ABCA13: variants seen among roughly 807,000 people sequenced by gnomAD.
ABCA13 encodes the protein ATP binding cassette subfamily A member 13.
A neutral mutation model predicts 478.7 loss-of-function variants in ABCA13; 476 were observed. The observed-to-expected ratio is 0.99, with a 90% confidence interval of 0.92 to 1.07. The LOEUF (loss-of-function observed/expected upper bound fraction) is 1.07. Among genes scored for constraint, ABCA13 ranks in the 50% least tolerant of loss-of-function variants. The pLI is 0.00. For missense variants in ABCA13, 6,060 were observed against 5,910.6 expected (o/e 1.03, Z -0.83); for synonymous variants, 2,252 against 2,158.9 (o/e 1.04, Z -1.20).
chr7:48,634,261 G>T (rs1794444245), intron 59 of ABCA13, among the ~76,000 whole-genome samples: 1 of 152,128 alleles, frequency 6.6e-6, no homozygotes, highest in Non-Finnish European at 1.5e-5. Context: ...TTTCTTTTGA[G>T]ATTGCGTGTG....
intron 58 of ABCA13, among the ~76,000 whole-genome samples, chr7:48,604,197 A>AT (rs1486113260): frequency 6.6e-6 from 1 of 151,872 alleles, no homozygotes; most frequent in East Asian, 1.9e-4. Flanking sequence ...GGATTCATTG[A>AT]TTTTTTGAAG....
intron 55 of ABCA13, among the ~76,000 whole-genome samples, chr7:48,556,093 C>T (rs1003448854): frequency 6.6e-6 from 1 of 151,764 alleles, no homozygotes; most frequent in East Asian, 1.9e-4. Context: ...TGTTTAATTT[C>T]CATGTGTCTC....
At chr7:48,602,420 C>T (rs754058920) in intron 58 of ABCA13, among the ~76,000 whole-genome samples, 12 of 152,118 alleles carry the variant, frequency 7.9e-5, no homozygotes, top group Non-Finnish European at 1.2e-4. Flanking sequence ...AGGAAGTGAT[C>T]CAGTTTCAGC....
chr7:48,192,389 A>T lies in ABCA13; in HGVS notation c.70-570A>T, dbSNP rs144875787. On this transcript the variant is annotated intron_variant, in intron 1 of 61. Coordinates refer to ENST00000435803, the MANE Select transcript of ABCA13 (RefSeq NM_152701.5). ...AGTTTATTCTAATTTTAAGAAAATA[A>T]TTCAAATGAAAGATTATTTATACAC... Among the ~76,000 whole-genome samples, 1,333 of 152,304 alleles carry T rather than the reference A, an allele frequency of 8.8e-3. 8 individuals carry two copies. Among genetic ancestry groups the T allele is most frequent in the Non-Finnish European group, 0.012 (832 of 68,014 alleles).
chr7:48,449,421 T>C (rs559761628), intron 42 of ABCA13, among the ~76,000 whole-genome samples: 1 of 152,166 alleles, frequency 6.6e-6, no homozygotes, highest in Non-Finnish European at 1.5e-5. Flanking sequence ...CAGTAATGGT[T>C]TGGATAAATA....
intron 57 of ABCA13, among the ~76,000 whole-genome samples, chr7:48,590,556 C>A (rs1027227438): frequency 6.6e-6 from 1 of 152,132 alleles, no homozygotes; most frequent in African/African-American, 2.4e-5. Context: ...TGTAGAGGAA[C>A]CTCCACACTG....
rs968028399 is a variant in ABCA13 at position 48,451,323 on chromosome 7, T to C, written c.12566-3714T>C. On this transcript the variant is annotated intron_variant, in intron 42 of 61. Transcript: ENST00000435803. The stretch of plus-strand genomic sequence containing the variant: ...AAGATGTTATAAATCACCTGGTTTA[T>C]GTATGTGATGAAATTTTATTTTATT... Among the ~76,000 whole-genome samples the C allele has an allele frequency of 2.2e-4, 34 of 152,264 alleles. 1 individual carries two copies. The highest frequency in any genetic ancestry group is 7.2e-4 in the African/African-American group (30 of 41,560).
Position 48,372,215 on chromosome 7 carries a change from G to T in ABCA13, c.10851G>T (p.Trp3617Cys). ...GVHPVIHFLAWFLENMAVLTI... is the reference protein window; with the variant it reads ...GVHPVIHFLACFLENMAVLTI... ...ATCCAGTGATCCATTTCCTGGCCTG[G>T]TTCCTGGAGAACATGGCTGTGTTGA... Residue 3617 changes from tryptophan to cysteine, a missense_variant, in exon 33 of 62, where the codon TGG becomes TGT. By Grantham distance (215) the Trp-to-Cys change is radical. Transcript: ENST00000435803. 6.2e-7 allele frequency: 1 copy of T among 1,613,784 alleles called. No homozygotes were observed. Among genetic ancestry groups the T allele is most frequent in the South Asian group, 1.1e-5 (1 of 91,070 alleles).
chr7:48,229,549 C>A (rs1179414074), intron 6 of ABCA13, among the ~76,000 whole-genome samples: 1 of 152,188 alleles, frequency 6.6e-6, no homozygotes, highest in Non-Finnish European at 1.5e-5. Context: ...TATGGCAGAG[C>A]CAATGCAAAC....
At chr7:48,494,944 A>T (rs1830148575) in intron 48 of ABCA13, among the ~76,000 whole-genome samples, 1 of 152,190 alleles carries the variant, frequency 6.6e-6, no homozygotes, top group African/African-American at 2.4e-5. Context: ...TGACACAGTA[A>T]AACTGATCAG....
intron 56 of ABCA13, among the ~76,000 whole-genome samples, chr7:48,584,438 A>G (rs530675061): frequency 5.2e-4 from 79 of 152,326 alleles, no homozygotes; most frequent in African/African-American, 1.6e-3. Context: ...CGCTCTCTCC[A>G]TGGCTGCATA....
At chr7:48,335,607 C>A in intron 28 of ABCA13, 72 bp downstream of exon 28, 1 of 1,196,436 alleles carries the variant, frequency 8.4e-7, no homozygotes, top group Non-Finnish European at 1.2e-6. Flanking sequence ...TCAGGGCTGC[C>A]CTGTAGAAGA....
intron 58 of ABCA13, among the ~76,000 whole-genome samples, chr7:48,602,336 C>T (rs1790983768): frequency 6.6e-6 from 1 of 152,084 alleles, no homozygotes; most frequent in Non-Finnish European, 1.5e-5. Context: ...AGGTTTTCTT[C>T]TAGGGTTTTT....
At position 48,644,605 on chromosome 7, in the gene ABCA13, T is replaced by G; in HGVS notation, c.14944-12T>G. On this transcript the variant is annotated splice_polypyrimidine_tract_variant and intron_variant, in intron 60 of 61. Transcript: ENST00000435803. ...TATATGATACTTTTTTTTTTTTTTT[T>G]TTTGCTTTTAGGGACAGCACCTGAA... The G allele has an allele frequency of 6.3e-7, 1 of 1,575,738 alleles. No homozygotes were observed.
intron 29 of ABCA13, among the ~76,000 whole-genome samples, chr7:48,342,599 G>C (rs1298069479): frequency 6.6e-6 from 1 of 152,000 alleles, no homozygotes; most frequent in Non-Finnish European, 1.5e-5. Context: ...AGCATTTCTT[G>C]AATCAGTGGC....
chr7:48,371,831 T>C (rs1416457326), intron 32 of ABCA13, among the ~76,000 whole-genome samples: 1 of 152,212 alleles, frequency 6.6e-6, no homozygotes, highest in Admixed American at 6.5e-5. Flanking sequence ...CAGTGTTGAA[T>C]AGGAGTGGTG....
chr7:48,477,550 C>T (rs1170431714), intron 45 of ABCA13, among the ~76,000 whole-genome samples: 2 of 151,984 alleles, frequency 1.3e-5, no homozygotes, highest in East Asian at 3.9e-4. Context: ...CCATGGAATA[C>T]TATGCAGCCA....
At chr7:48,510,067 G>A (rs1831542353) in intron 50 of ABCA13, among the ~76,000 whole-genome samples, 1 of 152,220 alleles carries the variant, frequency 6.6e-6, no homozygotes, top group South Asian at 2.1e-4. Context: ...CCCAAATGGT[G>A]TTGGGCATAA....
chr7:48,295,648 C>T, intron 20 of ABCA13, 52 bp from the exon 21 acceptor site: 1 of 1,603,634 alleles, frequency 6.2e-7, no homozygotes, highest in South Asian at 1.1e-5. Flanking sequence ...AAATCAAAAT[C>T]TTACAGATAA....
Sources: allele counts gnomAD v4.1 joint callset (sites outside exome capture counted in the v4.1 genomes callset), GRCh38; gene constraint gnomAD v4.1.1; transcripts MANE v1.5; gene names NCBI Gene and HGNC (gene_info 2026-07-23, HGNC 2026-07-21).